Variants in PVT1 observed in about 807,000 individuals in gnomAD.
The protein encoded by PVT1 is Pvt1 oncogene.
intron 4 of PVT1, among the ~76,000 whole-genome samples, chr8:127,991,153 T>G (rs1586470762): frequency 1.6e-5 from 2 of 124,722 alleles, no homozygotes; most frequent in Admixed American, 1.5e-4. Flanking sequence ...TTTTTTTTTT[T>G]TTTTTTTGAG....
At chr8:127,874,274 C>G (rs758313962) in intron 2 of PVT1, among the ~76,000 whole-genome samples, 1 of 152,004 alleles carries the variant, frequency 6.6e-6, no homozygotes, top group Non-Finnish European at 1.5e-5. Context: ...AGCTGAGAGT[C>G]GCAAGGGGTT....
intron 5 of PVT1, chr8:128,070,453 T>C (rs761304235): frequency 6.6e-6 from 1 of 152,246 alleles, no homozygotes; most frequent in Admixed American, 6.5e-5. Context: ...CCACAGGCAG[T>C]GCTCAAGATT....
intron 2 of PVT1, among the ~76,000 whole-genome samples, chr8:127,858,713 T>C (rs1308605821): frequency 6.6e-6 from 1 of 151,280 alleles, no homozygotes; most frequent in African/African-American, 2.4e-5. Flanking sequence ...TCCTATGAAA[T>C]CTACTAATGT....
At chr8:128,056,834 C>T (rs918148898) in intron 4 of PVT1, among the ~76,000 whole-genome samples, 15 of 152,180 alleles carry the variant, frequency 9.9e-5, no homozygotes, top group Admixed American at 7.2e-4. Flanking sequence ...CTGATCGTGG[C>T]GGGTCCCTGG....
chr8:127,943,944 A>G (rs188281366), intron 3 of PVT1, among the ~76,000 whole-genome samples: 127 of 152,306 alleles, frequency 8.3e-4, no homozygotes, highest in African/African-American at 2.9e-3. Context: ...AAATCATCCC[A>G]TCTACTTCAG....
intron 4 of PVT1, among the ~76,000 whole-genome samples, chr8:128,004,456 C>T (rs1044216178): frequency 7.2e-5 from 11 of 152,202 alleles, no homozygotes; most frequent in African/African-American, 2.7e-4. Flanking sequence ...TGTCCCCTCA[C>T]TTCCCTCTCT....
chr8:128,025,140 G>A (rs903882392), intron 4 of PVT1, among the ~76,000 whole-genome samples: 3 of 152,244 alleles, frequency 2.0e-5, no homozygotes, highest in African/African-American at 7.2e-5. Flanking sequence ...GTTTGGGCTG[G>A]CGCAGGCCAG....
chr8:128,097,552 T>TC (rs1441854440), intron 6 of PVT1, among the ~76,000 whole-genome samples: 1 of 152,090 alleles, frequency 6.6e-6, no homozygotes, highest in East Asian at 1.9e-4. Flanking sequence ...ACAGAAAAAG[T>TC]GTGCCAGTCG....
At chr8:127,902,791 A>T (rs1343707973) in intron 3 of PVT1, among the ~76,000 whole-genome samples, 1 of 152,090 alleles carries the variant, frequency 6.6e-6, no homozygotes, top group East Asian at 1.9e-4. Context: ...GTTGCATAGT[A>T]TTTCTTGGTG....
At chr8:127,925,519 C>G (rs918321026) in intron 3 of PVT1, among the ~76,000 whole-genome samples, 2 of 152,196 alleles carry the variant, frequency 1.3e-5, no homozygotes, top group Non-Finnish European at 2.9e-5. Flanking sequence ...TTATTCAGCA[C>G]TTACCATATG....
chr8:127,817,489 G>GTATATATATATATA (rs1490929524), intron 2 of PVT1, among the ~76,000 whole-genome samples: 1 of 124,022 alleles, frequency 8.1e-6, no homozygotes, highest in African/African-American at 3.4e-5. Flanking sequence ...GTGTGTGTGT[G>GTATATATATATATA]TGTATATACA....
chr8:127,951,947 C>T (rs1816510330), intron 3 of PVT1, among the ~76,000 whole-genome samples: 2 of 151,914 alleles, frequency 1.3e-5, no homozygotes, highest in South Asian at 2.1e-4. Flanking sequence ...TCCCGAGTAG[C>T]TGGGATTACA....
chr8:127,917,884 A>G (rs540001326), intron 3 of PVT1, among the ~76,000 whole-genome samples: 6 of 152,370 alleles, frequency 3.9e-5, no homozygotes, highest in Non-Finnish European at 8.8e-5. Flanking sequence ...CCTCAGAGTG[A>G]GGCAGCGCCG....
At chr8:127,866,564 G>C (rs1815288365) in intron 2 of PVT1, among the ~76,000 whole-genome samples, 1 of 152,178 alleles carries the variant, frequency 6.6e-6, no homozygotes, top group Non-Finnish European at 1.5e-5. Context: ...AATAGAGACA[G>C]GAGTGGGCTG....
chr8:128,033,323 A>ATG (rs903455658), intron 4 of PVT1, among the ~76,000 whole-genome samples: 38 of 152,064 alleles, frequency 2.5e-4, no homozygotes, highest in African/African-American at 3.9e-4. Context: ...GTGTGTGTGC[A>ATG]TGTGTGTGTG....
chr8:127,895,217 T>A (rs1815660316), intron 3 of PVT1, among the ~76,000 whole-genome samples: 1 of 152,220 alleles, frequency 6.6e-6, no homozygotes. Context: ...ACACATGTAA[T>A]CCCAGCACTT....
intron 4 of PVT1, among the ~76,000 whole-genome samples, chr8:128,019,521 C>T (rs575936508): frequency 2.6e-5 from 4 of 152,322 alleles, no homozygotes; most frequent in Non-Finnish European, 5.9e-5. Flanking sequence ...AAAACGAGTT[C>T]GCAAATTTCT....
rs536651788 is a variant in PVT1, at chr8:127,846,966, C to G, written n.373-43623C>G. ...AAAGTGCTGGGATTACAAGCGTGAG[C>G]CATTGCACATGGCCTTTTTTTTTTT... On this transcript the variant is annotated intron_variant and non_coding_transcript_variant, in intron 2 of 10. Coordinates refer to ENST00000651587, the Ensembl canonical transcript of PVT1. 2.7e-5 allele frequency among the ~76,000 whole-genome samples: 4 copies of G among 147,898 alleles called. No homozygotes were observed. In the Admixed American group the frequency reaches 2.7e-4, roughly 10 times the overall value.
At chr8:127,948,055 C>A in intron 3 of PVT1, 1 of 387,488 alleles carries the variant, frequency 2.6e-6, no homozygotes, top group South Asian at 2.0e-5. Flanking sequence ...TCCTAGAATC[C>A]CAGAGAAGTA....
Sources: allele counts gnomAD v4.1 joint callset (sites outside exome capture counted in the v4.1 genomes callset), GRCh38; gene constraint gnomAD v4.1.1; transcripts MANE v1.5; gene names NCBI Gene and HGNC (gene_info 2026-07-23, HGNC 2026-07-21).